The following NRXN1 variants were observed in gnomAD, a reference collection of about 807,000 sequenced individuals.
The protein encoded by NRXN1 is neurexin 1.
NRXN1 carries 39 observed loss-of-function variants against 150.9 expected under a neutral mutation model. The ratio of observed to expected loss-of-function variants is 0.26; its 90% confidence interval spans 0.20 to 0.34. NRXN1 has a LOEUF of 0.34. Among genes scored for constraint, NRXN1 ranks in the 10% least tolerant of loss-of-function variants. The pLI is 1.00. For synonymous variants in NRXN1, 924 were observed against 757.0 expected (o/e 1.22, Z -3.62); for missense variants, 1,815 against 1,949.9 (o/e 0.93, Z 1.30).
chr2:50,962,747 A>C (rs1693413894), intron 2 of NRXN1, among the ~76,000 whole-genome samples: 1 of 151,676 alleles, frequency 6.6e-6, no homozygotes, highest in Non-Finnish European at 1.5e-5. Context: ...ATTAAGCTTC[A>C]CCAAGAAATC....
chr2:50,598,444 G>A (rs1382655507), intron 8 of NRXN1, among the ~76,000 whole-genome samples: 1 of 151,018 alleles, frequency 6.6e-6, no homozygotes, highest in South Asian at 2.1e-4. Context: ...TTTTAAATCA[G>A]AAATAATTAC....
intron 17 of NRXN1, among the ~76,000 whole-genome samples, chr2:50,450,224 C>T (rs926414793): frequency 2.0e-5 from 3 of 152,186 alleles, no homozygotes; most frequent in African/African-American, 7.2e-5. Context: ...AGGTCCATCT[C>T]ACTTCCAACG....
chr2:50,350,684 T>C (rs1572636543), intron 17 of NRXN1, among the ~76,000 whole-genome samples: 1 of 152,230 alleles, frequency 6.6e-6, no homozygotes, highest in East Asian at 1.9e-4. Flanking sequence ...TAGAAGATTG[T>C]GAATAACCTT....
chr2:50,552,362 C>G lies in NRXN1; in HGVS notation c.1759+225G>C, dbSNP rs554161935. ...ACCCAATAAAAGTTCATTTAAGAAG[C>G]TATTTTAGAAGACATTTGAGCATTT... On this transcript the variant is annotated intron_variant, in intron 9 of 22. Coordinates refer to ENST00000401669, the MANE Select transcript of NRXN1 (RefSeq NM_001330078.2). 1.1e-4 allele frequency among the ~76,000 whole-genome samples: 16 copies of G among 152,260 alleles called. No homozygotes were observed. The East Asian group carries it at 2.7e-3, about 26-fold the overall frequency.
intron 15 of NRXN1, among the ~76,000 whole-genome samples, chr2:50,484,685 G>A (rs748954340): frequency 2.0e-5 from 3 of 152,186 alleles, no homozygotes; most frequent in African/African-American, 7.2e-5. Context: ...GTTGTTAGCT[G>A]TATTGTTTGA....
chr2:50,293,657 A>G (rs1272901628), intron 17 of NRXN1, among the ~76,000 whole-genome samples: 1 of 152,166 alleles, frequency 6.6e-6, no homozygotes. Flanking sequence ...GGAAGGAGAC[A>G]TAGGAAATGA....
intron 13 of NRXN1, among the ~76,000 whole-genome samples, chr2:50,504,627 G>A (rs1015099272): frequency 5.3e-5 from 8 of 151,998 alleles, no homozygotes; most frequent in Non-Finnish European, 8.8e-5. Context: ...TACATCCACC[G>A]CAGTACAGGA....
chr2:50,350,203 T>A (rs2078309960), intron 17 of NRXN1, among the ~76,000 whole-genome samples: 1 of 152,222 alleles, frequency 6.6e-6, no homozygotes, highest in African/African-American at 2.4e-5. Context: ...TACATAATGT[T>A]GATTCATCAA....
intron 21 of NRXN1, among the ~76,000 whole-genome samples, chr2:50,006,773 A>G (rs1425945520): frequency 6.6e-6 from 1 of 152,122 alleles, no homozygotes; most frequent in Non-Finnish European, 1.5e-5. Context: ...TGCATACAAA[A>G]CTGTGCTTGT....
At chr2:50,912,589 T>C (rs1241850043) in intron 5 of NRXN1, among the ~76,000 whole-genome samples, 1 of 151,876 alleles carries the variant, frequency 6.6e-6, no homozygotes, top group East Asian at 1.9e-4. Flanking sequence ...GTAACTGCTC[T>C]GGGCTGTCCC....
chr2:50,858,463 C>T (rs1030953317), intron 5 of NRXN1, among the ~76,000 whole-genome samples: 1 of 151,894 alleles, frequency 6.6e-6, no homozygotes, highest in Non-Finnish European at 1.5e-5. Flanking sequence ...AGTTGAGTAA[C>T]AGCTTTCTCC....
chr2:50,671,165 C>T (rs1363111538), intron 5 of NRXN1, among the ~76,000 whole-genome samples: 1 of 151,642 alleles, frequency 6.6e-6, no homozygotes, highest in East Asian at 1.9e-4. Context: ...TTATTTTCTT[C>T]TTCTGGTTTC....
intron 21 of NRXN1, among the ~76,000 whole-genome samples, chr2:49,985,746 A>G (rs1680798022): frequency 6.6e-6 from 1 of 152,136 alleles, no homozygotes; most frequent in African/African-American, 2.4e-5. Context: ...TTCACTTAAG[A>G]AGGCATACTG....
chr2:50,633,686 G>T (rs946229832), intron 5 of NRXN1, among the ~76,000 whole-genome samples: 2 of 152,000 alleles, frequency 1.3e-5, no homozygotes, highest in Non-Finnish European at 2.9e-5. Context: ...GCATATCTTT[G>T]ATTTCAACAC....
At chr2:50,918,684 G>T (rs1001699996) in intron 5 of NRXN1, 2 of 348,288 alleles carry the variant, frequency 5.7e-6, no homozygotes, top group South Asian at 1.4e-4. Context: ...GGAATGAAGT[G>T]ACCAGTTACA....
intron 5 of NRXN1, among the ~76,000 whole-genome samples, chr2:50,829,896 T>G (rs1333223033): frequency 6.6e-6 from 1 of 151,312 alleles, no homozygotes; most frequent in African/African-American, 2.4e-5. Context: ...AAGTGTGCTC[T>G]GTGTGTCTTC....
chr2:50,467,551 T>C (rs760965230), intron 16 of NRXN1, among the ~76,000 whole-genome samples: 6 of 151,520 alleles, frequency 4.0e-5, no homozygotes, highest in Admixed American at 6.6e-5. Flanking sequence ...ATTTGTATTA[T>C]AAATTTTTAG....
intron 5 of NRXN1, among the ~76,000 whole-genome samples, chr2:50,879,673 T>C (rs1648329001): frequency 6.6e-6 from 1 of 151,854 alleles, no homozygotes; most frequent in Non-Finnish European, 1.5e-5. Context: ...CTTTCTCAGT[T>C]TCGCCTGTGG....
intron 2 of NRXN1, among the ~76,000 whole-genome samples, chr2:50,980,017 A>G (rs540710241): frequency 1.5e-4 from 23 of 152,260 alleles, no homozygotes; most frequent in South Asian, 1.5e-3. Flanking sequence ...GTAGCCAACA[A>G]TATAAATAAA....
Sources: allele counts gnomAD v4.1 joint callset (sites outside exome capture counted in the v4.1 genomes callset), GRCh38; gene constraint gnomAD v4.1.1; transcripts MANE v1.5; gene names NCBI Gene and HGNC (gene_info 2026-07-23, HGNC 2026-07-21).